The following MARK1 variants were observed in gnomAD, a reference collection of about 807,000 sequenced individuals.
The protein encoded by MARK1 is serine/threonine-protein kinase MARK1.
Under a neutral mutation model 96.3 loss-of-function variants are expected in MARK1, and 40 were observed. The observed-to-expected ratio is 0.42, with a 90% CI of 0.32 to 0.54. The LOEUF (loss-of-function observed/expected upper bound fraction) is 0.54, where lower values mean the gene tolerates loss of function less well. Ranked by LOEUF, MARK1 falls within the 20% of genes least tolerant of loss-of-function variation. The pLI is 0.16. For synonymous variants in MARK1, 317 were observed against 341.2 expected, an observed-to-expected ratio of 0.93 and a Z score of 0.78; for missense variants, 719 against 984.6, an observed-to-expected ratio of 0.73 and a Z score of 3.61.
At chr1:220,580,320 CA>C (rs1304332539) in intron 2 of MARK1, among the ~76,000 whole-genome samples, 1 of 151,812 alleles carries the variant, frequency 6.6e-6, no homozygotes, top group Non-Finnish European at 1.5e-5. Context: ...CCCAGCTCTA[CA>C]AAAAATACAG....
intron 3 of MARK1, among the ~76,000 whole-genome samples, chr1:220,586,018 C>CGCGG (rs1021251150): frequency 1.3e-4 from 20 of 150,814 alleles, no homozygotes; most frequent in Non-Finnish European, 5.9e-5. Flanking sequence ...CACACGCGCG[C>CGCGG]GTGCGCAGAG....
rs1284182823 is a variant in MARK1 at position 220,579,576 on chromosome 1, T to G, written c.255+19T>G. The G allele has an allele frequency of 6.2e-7, 1 of 1,602,066 alleles. No individual in the cohort carries two copies. Among genetic ancestry groups the G allele is most frequent in the East Asian group, 2.2e-5 (1 of 44,730 alleles). On this transcript the variant is annotated intron_variant, in intron 2 of 17. Coordinates refer to ENST00000366917, the MANE Select transcript of MARK1 (RefSeq NM_018650.5). The stretch of plus-strand genomic sequence containing the variant: ...TAGAGAGGTAAGTTTGCACAATGCC[T>G]TTTAATATCTGCCTGGACCTCTCTG...
At chr1:220,642,867 G>T (rs1668360674) in intron 13 of MARK1, among the ~76,000 whole-genome samples, 1 of 152,190 alleles carries the variant, frequency 6.6e-6, no homozygotes, top group Non-Finnish European at 1.5e-5. Context: ...ACCTGCGGAA[G>T]AGGGGCCTGA....
At chr1:220,539,191 T>C (rs1234803128) in intron 1 of MARK1, among the ~76,000 whole-genome samples, 1 of 151,566 alleles carries the variant, frequency 6.6e-6, no homozygotes, top group Non-Finnish European at 1.5e-5. Flanking sequence ...TTCAGTATGA[T>C]ATTGGCTGTG....
chr1:220,558,648 T>C (rs1662457106), intron 1 of MARK1, among the ~76,000 whole-genome samples: 1 of 152,002 alleles, frequency 6.6e-6, no homozygotes, highest in South Asian at 2.1e-4. Context: ...CAAGGAGATA[T>C]ATTACTGTAA....
chr1:220,574,512 CTTGAGT>C (rs1419257018), intron 1 of MARK1, among the ~76,000 whole-genome samples: 1 of 152,124 alleles, frequency 6.6e-6, no homozygotes, highest in Non-Finnish European at 1.5e-5. Flanking sequence ...TTGCTGTCTG[CTTGAGT>C]TTAAGTCACA....
rs1204741747 is a variant in MARK1, at chr1:220,541,440, CTA to C, written c.51+12570_51+12571del. 2.0e-5 allele frequency among the ~76,000 whole-genome samples: 3 copies of C among 152,234 alleles called. No homozygotes were observed. The East Asian group carries it at 5.8e-4, about 29-fold the overall frequency. ...TACGTGTCCGTTAGGTCAATTTGTT[CTA>C]TAGTGTTCTTCAGGTCCTCTGTTTC... On this transcript the variant is annotated intron_variant, in intron 1 of 17. Coordinates refer to ENST00000366917, the MANE Select transcript of MARK1 (RefSeq NM_018650.5).
At chr1:220,610,383 A>G (rs775853249) in intron 6 of MARK1, among the ~76,000 whole-genome samples, 4 of 152,114 alleles carry the variant, frequency 2.6e-5, no homozygotes, top group East Asian at 1.9e-4. Flanking sequence ...TTCTCGCACC[A>G]TGGTTTTCAG....
intron 1 of MARK1, among the ~76,000 whole-genome samples, chr1:220,574,094 CTG>C (rs1663670771): frequency 6.6e-6 from 1 of 152,112 alleles, no homozygotes; most frequent in Non-Finnish European, 1.5e-5. Context: ...TGAATCATAT[CTG>C]TCTGTTCCTT....
At chr1:220,653,886 C>G (rs538734251) in intron 16 of MARK1, among the ~76,000 whole-genome samples, 1 of 152,184 alleles carries the variant, frequency 6.6e-6, no homozygotes, top group Admixed American at 6.5e-5. Context: ...TTAAACAATA[C>G]AATTATACTT....
chr1:220,541,935 C>T (rs981190181), intron 1 of MARK1, among the ~76,000 whole-genome samples: 7 of 152,044 alleles, frequency 4.6e-5, no homozygotes, highest in Non-Finnish European at 1.0e-4. Context: ...AACTATTTTC[C>T]GTCTTGTAGG....
Position 220,661,797 on chromosome 1 carries a change from G to T in MARK1, c.2034-15G>T. Reference sequence around the variant, plus strand: ...ATATTTGCTTTCATTCTTTCCCTTTGCCCTCTTGTTCCAGAAGTACATCAG... The same window carrying T: ...ATATTTGCTTTCATTCTTTCCCTTTTCCCTCTTGTTCCAGAAGTACATCAG... On this transcript the variant is annotated splice_polypyrimidine_tract_variant and intron_variant, in intron 17 of 17. Transcript: ENST00000366917. 6.4e-7 allele frequency: 1 copy of T among 1,557,796 alleles called. No individual in the cohort carries two copies.
chr1:220,587,035 T>C (rs907134633), intron 3 of MARK1, among the ~76,000 whole-genome samples: 1 of 152,214 alleles, frequency 6.6e-6, no homozygotes, highest in Non-Finnish European at 1.5e-5. Flanking sequence ...GACCCATGTG[T>C]CATTTCTTGG....
At chr1:220,559,380 A>T (rs2102770357) in intron 1 of MARK1, among the ~76,000 whole-genome samples, 1 of 152,384 alleles carries the variant, frequency 6.6e-6, no homozygotes, top group East Asian at 1.9e-4. Context: ...CAGTGGAATG[A>T]TGGAGGCAAA....
chr1:220,528,763 C>A lies in MARK1; in HGVS notation c.-60C>A. The A allele has an allele frequency of 1.3e-6, 2 of 1,504,270 alleles. No homozygotes were observed. The highest frequency in any genetic ancestry group is 1.8e-6 in the Non-Finnish European group (2 of 1,113,694). The allele number at this position is 1,504,270 out of a possible 1,614,324, so 93.2% of individuals were successfully genotyped here. A position where few individuals can be genotyped will look rare whatever the true frequency, so the allele number is the denominator to read the frequency against. On this transcript the variant is annotated 5_prime_UTR_variant, in exon 1 of 18. Transcript: ENST00000366917. ...TCCGCACCCCTTTCCTGTCGCCCCC[C>A]GGGGCCCGCACCACAGCCCGGCCGG...
intron 5 of MARK1, among the ~76,000 whole-genome samples, chr1:220,601,883 AGGAATTCAGAC>A (rs1201910959): frequency 6.6e-6 from 1 of 152,136 alleles, no homozygotes; most frequent in Non-Finnish European, 1.5e-5. Flanking sequence ...AAATGGGTAC[AGGAATTCAGAC>A]CACACCAGCC....
intron 9 of MARK1, among the ~76,000 whole-genome samples, chr1:220,620,790 T>G (rs1667014013): frequency 6.6e-6 from 1 of 152,122 alleles, no homozygotes; most frequent in Non-Finnish European, 1.5e-5. Context: ...GTTTTTCAGC[T>G]ATGAAACCAC....
rs374286258 is a variant in MARK1, at chr1:220,601,994, A to G, written c.425-2073A>G. ...ACAAAAACCATCATGGTTCTGTGGC[A>G]GTAAATCTAGAATGATTTTCTTGCC... is the stretch of plus-strand genomic sequence containing the variant. On this transcript the variant is annotated intron_variant, in intron 5 of 17. Transcript: ENST00000366917. 5.3e-5 allele frequency among the ~76,000 whole-genome samples: 8 copies of G among 152,358 alleles called. No individual in the cohort carries two copies. The South Asian group carries it at 1.0e-3, about 20-fold the overall frequency.
intron 1 of MARK1, among the ~76,000 whole-genome samples, chr1:220,537,151 A>C (rs929861976): frequency 2.7e-5 from 4 of 149,792 alleles, no homozygotes; most frequent in African/African-American, 9.9e-5. Context: ...GGTTGGTTAC[A>C]TATGTATACA....
Sources: allele counts gnomAD v4.1 joint callset (sites outside exome capture counted in the v4.1 genomes callset), GRCh38; gene constraint gnomAD v4.1.1; transcripts MANE v1.5; gene names NCBI Gene and HGNC (gene_info 2026-07-23, HGNC 2026-07-21).